Variants in CACNA2D3 observed in about 807,000 individuals in gnomAD.
CACNA2D3 encodes calcium voltage-gated channel auxiliary subunit alpha2delta 3.
In CACNA2D3, 60 loss-of-function variants were observed where a neutral mutation model predicts 160.6. The ratio of observed to expected loss-of-function variants is 0.37; its 90% CI spans 0.30 to 0.46. The LOEUF is 0.46. CACNA2D3 is among the 20% of genes least tolerant of loss of function. The pLI is 1.00. For missense variants in CACNA2D3, 1,205 were observed against 1,365.0 expected (o/e 0.88, Z 1.85); for synonymous variants, 558 against 492.9 (o/e 1.13, Z -1.75).
chr3:54,973,420 C>A (rs1439663067), intron 29 of CACNA2D3, among the ~76,000 whole-genome samples: 5 of 152,162 alleles, frequency 3.3e-5, no homozygotes, highest in Non-Finnish European at 5.9e-5. Flanking sequence ...CCTACTGAGG[C>A]ATTGGAAGAG....
intron 11 of CACNA2D3, among the ~76,000 whole-genome samples, chr3:54,667,972 A>G (rs1431905515): frequency 6.6e-6 from 1 of 151,968 alleles, no homozygotes; most frequent in African/African-American, 2.4e-5. Context: ...GTCAAAATAG[A>G]TATTTTTATA....
intron 9 of CACNA2D3, among the ~76,000 whole-genome samples, chr3:54,582,853 A>T (rs569839746): frequency 3.5e-4 from 54 of 152,338 alleles, no homozygotes; most frequent in Middle Eastern, 3.4e-3. Context: ...GCAACAGAGG[A>T]TTGGGAGAAA....
rs143105536 is a variant in CACNA2D3 at position 54,614,573 on chromosome 3, A to G, written c.964-13214A>G. On this transcript the variant is annotated intron_variant, in intron 9 of 37. Transcript: ENST00000474759. ...CCCTTTTACTTGGCCCTCTTCAGTT[A>G]TTTTTTTCTCTTCCTCCTTCCTTCT... Among the ~76,000 whole-genome samples, 5 of 152,080 alleles carry G rather than the reference A, an allele frequency of 3.3e-5. No individual in the cohort carries two copies. In the East Asian group the frequency reaches 9.7e-4, roughly 29 times the overall value.
At chr3:54,446,852 C>T (rs1306905426) in intron 4 of CACNA2D3, among the ~76,000 whole-genome samples, 6 of 152,100 alleles carry the variant, frequency 3.9e-5, no homozygotes, top group African/African-American at 1.4e-4. Flanking sequence ...CTCTGACTCT[C>T]CTGGAATTTC....
At chr3:54,360,529 C>T (rs775364470) in intron 3 of CACNA2D3, among the ~76,000 whole-genome samples, 4 of 152,052 alleles carry the variant, frequency 2.6e-5, no homozygotes, top group African/African-American at 4.8e-5. Context: ...GCAGGGGTAT[C>T]GAGAGGCCAC....
chr3:54,849,111 C>T (rs529728130), intron 17 of CACNA2D3, among the ~76,000 whole-genome samples: 2 of 152,250 alleles, frequency 1.3e-5, no homozygotes, highest in East Asian at 1.9e-4. Context: ...TGTACATACA[C>T]CATCAGTTTT....
intron 35 of CACNA2D3, among the ~76,000 whole-genome samples, chr3:55,063,407 G>A (rs1250225477): frequency 6.6e-6 from 1 of 151,352 alleles, no homozygotes; most frequent in Non-Finnish European, 1.5e-5. Flanking sequence ...AAAAAAAGAT[G>A]CCTTGGTCCT....
intron 11 of CACNA2D3, among the ~76,000 whole-genome samples, chr3:54,709,545 A>T (rs1700918025): frequency 6.6e-6 from 1 of 151,968 alleles, no homozygotes; most frequent in African/African-American, 2.4e-5. Context: ...ATTTTTTTGT[A>T]GAGACAGGGT....
At chr3:54,293,892 T>C (rs1296654310) in intron 2 of CACNA2D3, among the ~76,000 whole-genome samples, 1 of 152,148 alleles carries the variant, frequency 6.6e-6, no homozygotes. Flanking sequence ...CAACTCTGCA[T>C]TTATCAAAAC....
intron 2 of CACNA2D3, among the ~76,000 whole-genome samples, chr3:54,168,060 T>C (rs1424737272): frequency 6.6e-6 from 1 of 152,230 alleles, no homozygotes; most frequent in East Asian, 1.9e-4. Flanking sequence ...TATTTTTGTC[T>C]ACATTTTTCT....
chr3:54,700,690 A>ATAGT (rs1216187463), intron 11 of CACNA2D3, among the ~76,000 whole-genome samples: 1 of 152,194 alleles, frequency 6.6e-6, no homozygotes, highest in Non-Finnish European at 1.5e-5. Flanking sequence ...AGAATGGTAA[A>ATAGT]TAGTTATACT....
intron 11 of CACNA2D3, among the ~76,000 whole-genome samples, chr3:54,701,109 CTA>C (rs1700760140): frequency 6.6e-6 from 1 of 152,158 alleles, no homozygotes; most frequent in Non-Finnish European, 1.5e-5. Context: ...CCTCTGATTC[CTA>C]AAAGAAACCA....
intron 13 of CACNA2D3, among the ~76,000 whole-genome samples, chr3:54,808,359 A>G (rs1005871649): frequency 2.6e-5 from 4 of 152,132 alleles, no homozygotes; most frequent in Admixed American, 6.5e-5. Context: ...TGTCACTGCC[A>G]TGCCCTCCCT....
At chr3:54,975,835 T>C (rs1702378488) in intron 29 of CACNA2D3, among the ~76,000 whole-genome samples, 1 of 152,132 alleles carries the variant, frequency 6.6e-6, no homozygotes, top group Admixed American at 6.5e-5. Context: ...CCAGGGAGTC[T>C]AGGAACCTAT....
chr3:54,281,527 G>A (rs939429713), intron 2 of CACNA2D3, among the ~76,000 whole-genome samples: 2 of 152,076 alleles, frequency 1.3e-5, no homozygotes, highest in African/African-American at 4.8e-5. Flanking sequence ...GCTCTGTAAT[G>A]AGGTGATCCT....
intron 4 of CACNA2D3, among the ~76,000 whole-genome samples, chr3:54,470,413 C>G (rs932095191): frequency 3.3e-5 from 5 of 152,100 alleles, no homozygotes; most frequent in Admixed American, 2.6e-4. Flanking sequence ...GCTTCCCTTC[C>G]ACGAGCTCCT....
At chr3:54,569,741 T>A in intron 6 of CACNA2D3, 54 bp from the exon 7 acceptor site, 1 of 1,368,746 alleles carries the variant, frequency 7.3e-7, no homozygotes, top group Non-Finnish European at 1.0e-6. Flanking sequence ...CTTGAAATGC[T>A]ATGAATAAAT....
At chr3:54,511,240 G>GC (rs1329314649) in intron 5 of CACNA2D3, among the ~76,000 whole-genome samples, 1 of 152,134 alleles carries the variant, frequency 6.6e-6, no homozygotes, top group Non-Finnish European at 1.5e-5. Flanking sequence ...CCTCATTTAT[G>GC]CCCCCGTGTG....
chr3:54,284,009 C>T (rs917331572), intron 2 of CACNA2D3, among the ~76,000 whole-genome samples: 1 of 152,128 alleles, frequency 6.6e-6, no homozygotes, highest in African/African-American at 2.4e-5. Context: ...TTGCATTGAG[C>T]CGAGATTGCA....
Sources: gnomAD v4.1 joint callset for allele counts (sites outside exome capture counted in the v4.1 genomes callset) on GRCh38, gnomAD v4.1.1 for gene constraint, MANE v1.5 for transcripts, NCBI Gene and HGNC (gene_info 2026-07-23, HGNC 2026-07-21) for gene names.